Variants in ARNT2 observed in about 807,000 individuals in gnomAD.
The protein encoded by ARNT2 is ARNT protein 2.
A neutral mutation model predicts 91.7 loss-of-function variants in ARNT2; 36 were observed. The observed-to-expected ratio is 0.39, with a 90% CI of 0.30 to 0.52. The LOEUF is 0.52. Ranked by LOEUF, ARNT2 falls within the 20% of genes least tolerant of loss-of-function variation. The probability of loss-of-function intolerance (pLI) is 0.72; values close to 1 mark genes in which losing one functional copy is unlikely to be tolerated. For missense variants in ARNT2, 775 were observed against 939.3 expected (o/e 0.83, Z 2.29); for synonymous variants, 365 against 347.1 (o/e 1.05, Z -0.57).
chr15:80,474,145 G>A (rs1039894106), intron 4 of ARNT2, among the ~76,000 whole-genome samples: 7 of 152,152 alleles, frequency 4.6e-5, no homozygotes, highest in Admixed American at 2.6e-4. Context: ...GCCTTCAGGC[G>A]CTGCAAAGAA....
chr15:80,457,767 C>T (rs1449106240), intron 2 of ARNT2, among the ~76,000 whole-genome samples, 162 bp from the exon 3 acceptor site: 1 of 152,170 alleles, frequency 6.6e-6, no homozygotes, highest in Non-Finnish European at 1.5e-5. Context: ...GTCTTGAACC[C>T]GTTTGATGAC....
intron 5 of ARNT2, among the ~76,000 whole-genome samples, chr15:80,502,937 C>T (rs118095403): frequency 1.3e-5 from 2 of 152,156 alleles, no homozygotes; most frequent in Non-Finnish European, 2.9e-5. Context: ...AGCCCAGAGA[C>T]AGGATTACAA....
intron 5 of ARNT2, among the ~76,000 whole-genome samples, chr15:80,479,486 G>A (rs762679154): frequency 3.3e-5 from 5 of 152,170 alleles, no homozygotes; most frequent in Non-Finnish European, 5.9e-5. Flanking sequence ...GTGGAAAAGT[G>A]CTGGAAAGGG....
At chr15:80,478,103 C>T (rs1479900604) in intron 5 of ARNT2, among the ~76,000 whole-genome samples, 1 of 152,194 alleles carries the variant, frequency 6.6e-6, no homozygotes, top group Non-Finnish European at 1.5e-5. Context: ...CTAAGGGACA[C>T]ACCTTATAAA....
At chr15:80,564,989 A>G (rs1308764843) in intron 12 of ARNT2, among the ~76,000 whole-genome samples, 2 of 150,794 alleles carry the variant, frequency 1.3e-5, no homozygotes, top group Non-Finnish European at 2.9e-5. Flanking sequence ...CAGTGGCACT[A>G]TGGGCTCATT....
rs1348104259 is a variant in ARNT2 at position 80,580,517 on chromosome 15, T to C, written c.1720T>C (p.Trp574Arg). ...SRQLNQSQVA[W>R]TGSRPPFPGQ... Reference sequence around the variant, plus strand: ...GCAGCTAAACCAGAGTCAGGTGGCATGGACAGGGAGTCGTCCGCCCTTTCC... The same window carrying C: ...GCAGCTAAACCAGAGTCAGGTGGCACGGACAGGGAGTCGTCCGCCCTTTCC... The change falls in exon 16 of 19, where the codon TGG becomes CGG. Residue 574 changes from tryptophan to arginine, a missense_variant. Trp to Arg is a moderately radical substitution (Grantham distance 101, BLOSUM62 -3). Transcript: ENST00000303329. The C allele has an allele frequency of 6.2e-7, 1 of 1,614,142 alleles. No individual in the cohort carries two copies. The highest frequency in any genetic ancestry group is 8.5e-7 in the Non-Finnish European group (1 of 1,180,014).
intron 8 of ARNT2, among the ~76,000 whole-genome samples, chr15:80,516,859 A>C (rs1234017042): frequency 7.0e-6 from 1 of 143,632 alleles, no homozygotes; most frequent in South Asian, 2.2e-4. Flanking sequence ...ATATATATCC[A>C]TGTTCAAAAA....
At chr15:80,495,079 C>A (rs551561901) in intron 5 of ARNT2, among the ~76,000 whole-genome samples, 2 of 151,568 alleles carry the variant, frequency 1.3e-5, no homozygotes, top group Non-Finnish European at 2.9e-5. Flanking sequence ...AATCAGGCAC[C>A]CCCACCCCTG....
intron 12 of ARNT2, among the ~76,000 whole-genome samples, chr15:80,568,934 A>G (rs531453931): frequency 7.3e-5 from 11 of 151,698 alleles, no homozygotes; most frequent in South Asian, 6.2e-4. Flanking sequence ...ACACACACAC[A>G]CGCGCACACA....
Position 80,591,578 on chromosome 15 carries a change from A to G in ARNT2, c.1929A>G (p.Gly643=), listed in dbSNP as rs1893280622. The change falls in exon 18 of 19, where the codon GGA becomes GGG. Residue 643 remains glycine (G), a synonymous_variant. Transcript: ENST00000303329. This position sits in a 1 kb window ranked among gnomAD's most constrained non-coding sequence, Gnocchi z 5.1. ...TGTCGAATCTTTCAGCTGAAAGTGG[A>G]CAAAGTAGCGGGCAGTTCCAAGGGC... ...ANRTPGFAES[G]QSSGQFQGRP... is the part of the protein sequence containing the mutation. 1 of 1,614,140 alleles carries G rather than the reference A, an allele frequency of 6.2e-7. No homozygotes were observed. Among genetic ancestry groups the G allele is most frequent in the Non-Finnish European group, 8.5e-7 (1 of 1,180,022 alleles).
chr15:80,413,377 A>T (rs1895716820), intron 1 of ARNT2, among the ~76,000 whole-genome samples: 1 of 152,038 alleles, frequency 6.6e-6, no homozygotes. Context: ...TGACCTACAC[A>T]CTTCCAACCA....
At chr15:80,494,447 C>T (rs1421276970) in intron 5 of ARNT2, among the ~76,000 whole-genome samples, 1 of 152,138 alleles carries the variant, frequency 6.6e-6, no homozygotes, top group East Asian at 1.9e-4. Flanking sequence ...AAAATTAAAC[C>T]CCTCAGGCTT....
intron 5 of ARNT2, among the ~76,000 whole-genome samples, chr15:80,490,320 G>A (rs993708107): frequency 6.6e-6 from 1 of 152,180 alleles, no homozygotes; most frequent in African/African-American, 2.4e-5. Flanking sequence ...GGCCTTGAGG[G>A]GTGGGTGTAA....
At chr15:80,432,268 T>C (rs1180924096) in intron 1 of ARNT2, among the ~76,000 whole-genome samples, 2 of 152,154 alleles carry the variant, frequency 1.3e-5, no homozygotes, top group Admixed American at 6.5e-5. Context: ...GAATTAGAGG[T>C]AGAAGATTTC....
chr15:80,519,534 A>T (rs1056378768), intron 8 of ARNT2, among the ~76,000 whole-genome samples: 2 of 152,258 alleles, frequency 1.3e-5, no homozygotes, highest in South Asian at 4.2e-4. Flanking sequence ...GAGCAGAAGG[A>T]TGTCTTTGAG....
chr15:80,480,238 G>A (rs1180530960), intron 5 of ARNT2, among the ~76,000 whole-genome samples: 1 of 152,166 alleles, frequency 6.6e-6, no homozygotes, highest in Admixed American at 6.5e-5. Flanking sequence ...GCTGAGGAGA[G>A]GCCCAGGGCA....
intron 1 of ARNT2, among the ~76,000 whole-genome samples, chr15:80,433,440 C>G (rs1896041026): frequency 6.6e-6 from 1 of 151,746 alleles, no homozygotes; most frequent in Non-Finnish European, 1.5e-5. Flanking sequence ...TGCACACCAC[C>G]ACGCCCGGCT....
chr15:80,578,089 C>T (rs1005004700), intron 15 of ARNT2, among the ~76,000 whole-genome samples: 1 of 152,224 alleles, frequency 6.6e-6, no homozygotes, highest in African/African-American at 2.4e-5. Flanking sequence ...TGATGCCAAG[C>T]CCTGTGCCAG....
intron 17 of ARNT2, among the ~76,000 whole-genome samples, chr15:80,585,955 T>C (rs566590022): frequency 1.3e-5 from 2 of 152,360 alleles, no homozygotes; most frequent in South Asian, 2.1e-4. Flanking sequence ...GAGAAATGTT[T>C]GCAGGGTGTA....
Sources: allele counts gnomAD v4.1 joint callset (sites outside exome capture counted in the v4.1 genomes callset), GRCh38; gene constraint gnomAD v4.1.1; non-coding constraint Gnocchi (gnomAD v3.1); transcripts MANE v1.5; gene names NCBI Gene and HGNC (gene_info 2026-07-23, HGNC 2026-07-21).